CALD1: variants seen among roughly 807,000 people sequenced by gnomAD.
CALD1 encodes caldesmon 1.
CALD1 carries 33 observed loss-of-function variants against 99.9 expected under a neutral mutation model. The observed-to-expected ratio is 0.33, with a 90% CI of 0.25 to 0.44. The LOEUF (loss-of-function observed/expected upper bound fraction) is 0.44, where lower values mean the gene tolerates loss of function less well. Ranked by LOEUF, CALD1 falls within the 20% of genes least tolerant of loss-of-function variation. The pLI, the probability that CALD1 is intolerant of heterozygous loss-of-function variation, is 1.00. For missense variants in CALD1, 861 were observed against 962.1 expected (o/e 0.89, Z 1.39); for synonymous variants, 310 against 325.0 (o/e 0.95, Z 0.50).
chr7:134,734,149 A>G, the CALD1 span, among the ~76,000 whole-genome samples: 2 of 152,316 alleles, frequency 1.3e-5, no homozygotes, highest in East Asian at 3.9e-4. Flanking sequence ...GTCACAGAGA[A>G]AATAGACACA....
At chr7:134,828,069 A>T (rs1337807244) in intron 1 of CALD1, among the ~76,000 whole-genome samples, 1 of 152,216 alleles carries the variant, frequency 6.6e-6, no homozygotes, top group Non-Finnish European at 1.5e-5. Context: ...CTGAAATCAC[A>T]CTATGTCTAA....
At chr7:134,750,624 C>T (rs1032594226) in intron 1 of CALD1, among the ~76,000 whole-genome samples, 3 of 152,180 alleles carry the variant, frequency 2.0e-5, no homozygotes, top group Non-Finnish European at 2.9e-5. Flanking sequence ...AAAAAATCTA[C>T]TTTCACTTTC....
chr7:134,717,232 G>C, the CALD1 span, among the ~76,000 whole-genome samples: 1 of 152,146 alleles, frequency 6.6e-6, no homozygotes, highest in Non-Finnish European at 1.5e-5. Flanking sequence ...CCATGGTTTA[G>C]GGTAGGGTTC....
chr7:134,949,429 C>G (rs747093363), intron 8 of CALD1, among the ~76,000 whole-genome samples: 6 of 152,060 alleles, frequency 3.9e-5, no homozygotes, highest in Non-Finnish European at 8.8e-5. Context: ...ATAGAGAAGA[C>G]AGAGTATTCT....
intron 9 of CALD1, among the ~76,000 whole-genome samples, chr7:134,956,847 G>A (rs562004892): frequency 3.9e-5 from 6 of 152,294 alleles, no homozygotes; most frequent in African/African-American, 1.4e-4. Context: ...GGTGATGGGT[G>A]GTAGAGGATA....
At chr7:134,951,039 T>A (rs970792706) in intron 9 of CALD1, among the ~76,000 whole-genome samples, 1 of 152,236 alleles carries the variant, frequency 6.6e-6, no homozygotes, top group African/African-American at 2.4e-5. Flanking sequence ...TGAGGGCCTA[T>A]TCCTCATAGG....
At chr7:134,761,318 G>T (rs1300977970) in intron 1 of CALD1, among the ~76,000 whole-genome samples, 1 of 152,124 alleles carries the variant, frequency 6.6e-6, no homozygotes, top group Non-Finnish European at 1.5e-5. Context: ...GCGCGCAGTG[G>T]AATTTCACCA....
intron 11 of CALD1, 90 bp from the exon 12 acceptor site, chr7:134,959,884 A>G: frequency 7.3e-7 from 1 of 1,372,952 alleles, no homozygotes; most frequent in South Asian, 1.4e-5. Context: ...TGAATTTTTA[A>G]GATGATAATG....
chr7:134,920,649 G>C (rs1438986708), intron 3 of CALD1: 1 of 1,289,334 alleles, frequency 7.8e-7, no homozygotes, highest in Non-Finnish European at 1.0e-6. Context: ...CTTCTTATAT[G>C]AAAGTGGACA....
In CALD1 at chr7:134,947,755, A is replaced by G; in HGVS notation, c.1780A>G (p.Lys594Glu). Residue 594 changes from lysine to glutamate, a missense_variant, in exon 8 of 15, where the codon AAA (lysine) becomes GAA (glutamate). Physicochemically the swap from Lys to Glu is moderately conservative, Grantham distance 56. Coordinates refer to ENST00000361675, the MANE Select transcript of CALD1 (RefSeq NM_033138.4). ...GAGGAAGCAGGAGGAAGCCGATCGA[A>G]AACTCAGAGAGGAGGTAAGGCGGGC... The part of the protein sequence containing the change: ...QRRKQEEADR[K>E]LREEEEKRRL... 6.2e-7 allele frequency: 1 copy of G among 1,613,896 alleles called. No homozygotes were observed. The highest frequency in any genetic ancestry group is 8.5e-7 in the Non-Finnish European group (1 of 1,179,896).
intron 1 of CALD1, among the ~76,000 whole-genome samples, chr7:134,813,980 ATCACAGACAT>A (rs1370348700): frequency 2.6e-5 from 4 of 152,126 alleles, no homozygotes. Flanking sequence ...TATTAGAATG[ATCACAGACAT>A]GAATGTTGAA....
At chr7:134,751,979 A>G (rs892798325) in intron 1 of CALD1, among the ~76,000 whole-genome samples, 1 of 152,216 alleles carries the variant, frequency 6.6e-6, no homozygotes, top group African/African-American at 2.4e-5. Context: ...TGTTTCAAAA[A>G]AAAAAGTTTG....
At chr7:134,936,022 G>C (rs1266914578) in intron 6 of CALD1, among the ~76,000 whole-genome samples, 1 of 152,158 alleles carries the variant, frequency 6.6e-6, no homozygotes, top group Non-Finnish European at 1.5e-5. Flanking sequence ...TGCATTGTCA[G>C]GTAAATTGTC....
chr7:134,892,202 G>C (rs548137131), intron 3 of CALD1, among the ~76,000 whole-genome samples: 2 of 152,144 alleles, frequency 1.3e-5, no homozygotes, highest in Admixed American at 1.3e-4. Context: ...GGACTCCAAG[G>C]GTTTAGGATC....
At chr7:134,726,139 C>T in the CALD1 span, among the ~76,000 whole-genome samples, 1 of 151,804 alleles carries the variant, frequency 6.6e-6, no homozygotes, top group East Asian at 1.9e-4. Context: ...CAGCACCTAA[C>T]AAGATAAAAT....
intron 3 of CALD1, 133 bp from the exon 4 acceptor site, chr7:134,928,621 A>T: frequency 1.3e-6 from 1 of 760,532 alleles, no homozygotes; most frequent in Non-Finnish European, 2.0e-6. Context: ...AAGGAACTGA[A>T]CCATCCTTTT....
chr7:134,843,819 T>C (rs1007341765), intron 1 of CALD1, 65 bp from the exon 2 acceptor site: 1 of 152,208 alleles, frequency 6.6e-6, no homozygotes, highest in African/African-American at 2.4e-5. Context: ...TATTTGAAAA[T>C]ATATAGTCTG....
intron 2 of CALD1, among the ~76,000 whole-genome samples, chr7:134,859,157 G>A (rs1037437): frequency 0.98 from 148,750 of 152,340 alleles, 72,658 homozygotes; most frequent in East Asian, 1. Context: ...GCTTTTTCAG[G>A]GATAGGGGTC....
At chr7:134,887,531 C>G (rs1209872587) in intron 3 of CALD1, among the ~76,000 whole-genome samples, 1 of 152,190 alleles carries the variant, frequency 6.6e-6, no homozygotes, top group Non-Finnish European at 1.5e-5. Flanking sequence ...TGGTAGATTT[C>G]CCTTAGGTTT....
Sources: allele counts gnomAD v4.1 joint callset (sites outside exome capture counted in the v4.1 genomes callset), GRCh38; gene constraint gnomAD v4.1.1; transcripts MANE v1.5; gene names NCBI Gene and HGNC (gene_info 2026-07-23, HGNC 2026-07-21).